The following MGAT4C variants were observed in gnomAD, a reference collection of about 807,000 sequenced individuals.
MGAT4C encodes the protein alpha-1,3-mannosyl-glycoprotein 4-beta-N-acetylglucosaminyltransferase C.
A neutral mutation model predicts 40.1 loss-of-function variants in MGAT4C; 19 were observed. The observed-to-expected ratio is 0.47, with a 90% CI of 0.33 to 0.70. The LOEUF (loss-of-function observed/expected upper bound fraction) is 0.70, where lower values mean the gene tolerates loss of function less well. Among genes scored for constraint, MGAT4C ranks in the 30% least tolerant of loss-of-function variants. The pLI, the probability that MGAT4C is intolerant of heterozygous loss-of-function variation, is 0.02. For missense variants in MGAT4C, 491 were observed against 563.2 expected, an observed-to-expected ratio of 0.87 and a Z score of 1.30; for synonymous variants, 181 against 187.1, an observed-to-expected ratio of 0.97 and a Z score of 0.27.
At chr12:86,757,659 A>G (rs1478779556) in intron 1 of MGAT4C, among the ~76,000 whole-genome samples, 1 of 152,132 alleles carries the variant, frequency 6.6e-6, no homozygotes, top group East Asian at 1.9e-4. Context: ...TGTTCTTCTT[A>G]GAATAGATAT....
At chr12:86,526,085 G>C (rs763538410) in intron 2 of MGAT4C, among the ~76,000 whole-genome samples, 1 of 152,208 alleles carries the variant, frequency 6.6e-6, no homozygotes, top group Non-Finnish European at 1.5e-5. Flanking sequence ...GTTCCTGCTG[G>C]TAACTGTGCA....
chr12:86,598,094 T>C (rs904713607), intron 2 of MGAT4C, among the ~76,000 whole-genome samples: 1 of 152,222 alleles, frequency 6.6e-6, no homozygotes, highest in Admixed American at 6.5e-5. Flanking sequence ...TACTTTACCA[T>C]ACTTTTACTT....
intron 2 of MGAT4C, among the ~76,000 whole-genome samples, chr12:86,004,667 G>T (rs182768288): frequency 2.1e-4 from 32 of 152,278 alleles, no homozygotes; most frequent in Admixed American, 1.8e-3. Flanking sequence ...GGACAATAAT[G>T]AAGTGAAGAA....
intron 1 of MGAT4C, among the ~76,000 whole-genome samples, chr12:86,825,693 T>C (rs1031217079): frequency 6.6e-6 from 1 of 151,488 alleles, no homozygotes; most frequent in Non-Finnish European, 1.5e-5. Context: ...ACATAAAATA[T>C]ATAGTTCTAG....
chr12:86,797,824 T>C (rs150212107), intron 1 of MGAT4C, among the ~76,000 whole-genome samples: 1 of 151,984 alleles, frequency 6.6e-6, no homozygotes, highest in Non-Finnish European at 1.5e-5. Context: ...TATTCTTTAT[T>C]GTAGTTACTG....
At chr12:86,264,539 C>G (rs1952738270) in intron 4 of MGAT4C, among the ~76,000 whole-genome samples, 1 of 152,158 alleles carries the variant, frequency 6.6e-6, no homozygotes, top group South Asian at 2.1e-4. Flanking sequence ...AGTCCCGCCC[C>G]CTTCCGAGTT....
chr12:86,013,765 GAAA>G (rs199552277), intron 2 of MGAT4C: 166 of 805,524 alleles, frequency 2.1e-4, no homozygotes, highest in South Asian at 2.9e-4. Context: ...GAATCTTAGT[GAAA>G]AAAAAAAAAA....
rs182624807 is a variant in MGAT4C, at chr12:86,474,877, G to C, written c.-228-39612C>G. On this transcript the variant is annotated intron_variant, in intron 2 of 7. Transcript: ENST00000548651. Reference sequence around the variant, plus strand: ...CTGCATTGTACAAAGCAAATAAATAGGTTCTTTAAATTCCAACCAGTCAAT... The same window carrying C: ...CTGCATTGTACAAAGCAAATAAATACGTTCTTTAAATTCCAACCAGTCAAT... Among the ~76,000 whole-genome samples, 4 of 151,998 alleles carry C rather than the reference G, an allele frequency of 2.6e-5. No individual in the cohort carries two copies. In the East Asian group the frequency reaches 7.7e-4, roughly 29 times the overall value.
chr12:86,810,104 T>C (rs546036427), intron 1 of MGAT4C, among the ~76,000 whole-genome samples: 1 of 152,182 alleles, frequency 6.6e-6, no homozygotes, highest in South Asian at 2.1e-4. Context: ...TACCTCAGTA[T>C]TGCAAATTAT....
At chr12:86,730,456 A>G (rs1222929024) in intron 1 of MGAT4C, among the ~76,000 whole-genome samples, 1 of 152,084 alleles carries the variant, frequency 6.6e-6, no homozygotes, top group Non-Finnish European at 1.5e-5. Context: ...GCTTCTGCCA[A>G]TACAAATCTC....
chr12:86,609,920 C>A (rs1962189554), intron 2 of MGAT4C, among the ~76,000 whole-genome samples: 1 of 152,142 alleles, frequency 6.6e-6, no homozygotes, highest in South Asian at 2.1e-4. Context: ...CTTTTGCAAT[C>A]CATGAACCAT....
chr12:85,957,350 AT>A lies in MGAT4C; in HGVS notation c.*21938del, dbSNP rs1302664395. 4 of 152,146 alleles carry A rather than the reference AT, an allele frequency of 2.6e-5. No homozygotes were observed. Among genetic ancestry groups the A allele is most frequent in the African/African-American group, 9.7e-5 (4 of 41,450 alleles). 9.4% of individuals were successfully genotyped at this position (152,146 alleles called of 1,614,324 possible). ...ATTATTTATTGCAAAAATCCCAGAAATTAATTATATTTGGGTCTCATTGAAG... is the reference window on the plus strand; with the variant it reads ...ATTATTTATTGCAAAAATCCCAGAAATAATTATATTTGGGTCTCATTGAAG... On this transcript the variant is annotated 3_prime_UTR_variant, in exon 5 of 5. Transcript: ENST00000611864.
At chr12:86,317,833 G>A (rs10858415) in intron 4 of MGAT4C, among the ~76,000 whole-genome samples, 19,825 of 150,744 alleles carry the variant, frequency 0.13, 3,365 homozygotes, top group African/African-American at 0.38. Context: ...ATGGTCTAAC[G>A]TGCCTTTAGC....
At chr12:86,691,643 A>G (rs1950174835) in intron 2 of MGAT4C, among the ~76,000 whole-genome samples, 1 of 152,170 alleles carries the variant, frequency 6.6e-6, no homozygotes, top group Non-Finnish European at 1.5e-5. Flanking sequence ...TGCAAAATAA[A>G]TCATCTATTA....
intron 2 of MGAT4C, among the ~76,000 whole-genome samples, chr12:86,706,081 G>C (rs1360720059): frequency 6.6e-6 from 1 of 151,932 alleles, no homozygotes; most frequent in Non-Finnish European, 1.5e-5. Flanking sequence ...ACACAAAATG[G>C]GAAGACTGAA....
intron 4 of MGAT4C, among the ~76,000 whole-genome samples, chr12:86,313,332 T>C (rs1279560832): frequency 6.6e-6 from 1 of 152,152 alleles, no homozygotes; most frequent in Non-Finnish European, 1.5e-5. Flanking sequence ...GTAAGAGATA[T>C]GGAGAAACAA....
At chr12:86,717,633 C>A (rs1266173965) in intron 2 of MGAT4C, among the ~76,000 whole-genome samples, 2 of 151,968 alleles carry the variant, frequency 1.3e-5, no homozygotes, top group Admixed American at 1.3e-4. Context: ...AAAGTCATTA[C>A]TTTATAAATT....
intron 1 of MGAT4C, among the ~76,000 whole-genome samples, chr12:86,224,108 C>T (rs182045830): frequency 5.3e-5 from 8 of 152,266 alleles, no homozygotes; most frequent in East Asian, 1.9e-4. Context: ...ACTAACACTA[C>T]GGATCCCAAG....
At chr12:86,642,439 T>A (rs1963419183) in intron 2 of MGAT4C, among the ~76,000 whole-genome samples, 1 of 151,808 alleles carries the variant, frequency 6.6e-6, no homozygotes, top group African/African-American at 2.4e-5. Context: ...GAAATATTTT[T>A]GGTAAGTATA....
Sources: allele counts gnomAD v4.1 joint callset (sites outside exome capture counted in the v4.1 genomes callset), GRCh38; gene constraint gnomAD v4.1.1; transcripts MANE v1.5; gene names NCBI Gene and HGNC (gene_info 2026-07-23, HGNC 2026-07-21).